The following THADA variants were observed in gnomAD, a reference collection of about 807,000 sequenced individuals.
The protein encoded by THADA is THADA armadillo repeat containing.
In THADA, 213 loss-of-function variants were observed where a neutral mutation model predicts 219.8. The ratio of observed to expected loss-of-function variants is 0.97; its 90% CI spans 0.87 to 1.09. The LOEUF is 1.09. Among genes scored for constraint, THADA ranks in the 50% least tolerant of loss-of-function variants. The pLI is 0.00. For synonymous variants in THADA, 1,018 were observed against 828.9 expected, an observed-to-expected ratio of 1.23 and a Z score of -3.92; for missense variants, 2,956 against 2,311.3, an observed-to-expected ratio of 1.28 and a Z score of -5.72.
intron 26 of THADA, among the ~76,000 whole-genome samples, chr2:43,467,206 A>T: frequency 6.8e-6 from 1 of 147,664 alleles, no homozygotes; most frequent in African/African-American, 2.5e-5. Flanking sequence ...AAAAAAAAAA[A>T]CACCACGGGG....
intron 29 of THADA, among the ~76,000 whole-genome samples, chr2:43,395,135 C>A (rs949193732): frequency 2.6e-5 from 4 of 152,108 alleles, no homozygotes; most frequent in Non-Finnish European, 4.4e-5. Context: ...GTGAGAGAGC[C>A]CAAGAAGCAA....
intron 26 of THADA, among the ~76,000 whole-genome samples, chr2:43,475,059 A>G (rs1274397854): frequency 6.6e-6 from 1 of 152,230 alleles, no homozygotes; most frequent in Non-Finnish European, 1.5e-5. Flanking sequence ...AGTTGAGTTC[A>G]GAGACCAAGA....
At chr2:43,468,703 A>G (rs1194210777) in intron 26 of THADA, among the ~76,000 whole-genome samples, 2 of 152,208 alleles carry the variant, frequency 1.3e-5, no homozygotes, top group Non-Finnish European at 2.9e-5. Context: ...ATCTGAGGGC[A>G]TATAACAATT....
intron 21 of THADA, among the ~76,000 whole-genome samples, chr2:43,528,201 G>A (rs1342296985): frequency 7.2e-6 from 1 of 138,332 alleles, no homozygotes; most frequent in Non-Finnish European, 1.5e-5. Context: ...CACAGTCTCA[G>A]CTCACTGCAA....
intron 10 of THADA, among the ~76,000 whole-genome samples, chr2:43,576,804 G>A (rs1325484811): frequency 6.6e-6 from 1 of 152,062 alleles, no homozygotes; most frequent in Admixed American, 6.6e-5. Context: ...ACAGGCGCAT[G>A]CCACCACACC....
intron 29 of THADA, among the ~76,000 whole-genome samples, chr2:43,376,189 CCT>C (rs371020548): frequency 1.3e-5 from 2 of 152,076 alleles, no homozygotes; most frequent in African/African-American, 4.8e-5. Flanking sequence ...CATGGCTTCC[CCT>C]GTCTTACTAC....
At position 43,557,937 on chromosome 2, in the gene THADA, C is replaced by A. The variant is rs547180590; in HGVS notation, c.2464-1382G>T. 9.3e-4 allele frequency among the ~76,000 whole-genome samples: 142 copies of A among 152,178 alleles called. 1 individual carries two copies. Among genetic ancestry groups the A allele is most frequent in the African/African-American group, 3.3e-3 (139 of 41,512 alleles). Reference sequence around the variant, plus strand: ...CTTTACCATTTGATAAGTTTATTTTCTATGACCTAAATAAAAAACTTAAAA... The same window carrying A: ...CTTTACCATTTGATAAGTTTATTTTATATGACCTAAATAAAAAACTTAAAA... On this transcript the variant is annotated intron_variant, in intron 16 of 37. Transcript: ENST00000405975.
Position 43,485,334 on chromosome 2 carries a change from C to G in THADA, c.3745-9G>C, listed in dbSNP as rs969383778. 5.7e-6 allele frequency: 9 copies of G among 1,589,114 alleles called. No homozygotes were observed. The highest frequency in any genetic ancestry group is 7.8e-6 in the Non-Finnish European group (9 of 1,159,040). On this transcript the variant is annotated splice_polypyrimidine_tract_variant and intron_variant, in intron 25 of 37. Coordinates refer to ENST00000405975, the MANE Select transcript of THADA (RefSeq NM_022065.5). ...GTGGATGAATTTCGCACCTAATGTA[C>G]AAACGAAAACACAATAAGGCTTAAA... is the stretch of plus-strand genomic sequence containing the variant.
chr2:43,564,296 G>A (rs1698417708), intron 15 of THADA: 2 of 152,354 alleles, frequency 1.3e-5, no homozygotes, highest in South Asian at 2.1e-4. Flanking sequence ...TTCTCTCATA[G>A]TTCTGGAAGC....
Position 43,556,553 on chromosome 2 carries a change from A to G in THADA, c.2466T>C (p.Asp822=). Residue 822 remains aspartate, a splice_region_variant and synonymous_variant, in exon 17 of 38, where the codon GAT becomes GAC. Coordinates refer to ENST00000405975, the MANE Select transcript of THADA (RefSeq NM_022065.5). ...KLSKTAVHFQ[D]SGKLQGLFQA... ...GAAATAAGCCTTGCAGTTTCCCCGA[A>G]TCCTAGAATAAAGCGCAGACTCAGT... The G allele has an allele frequency of 6.2e-7, 1 of 1,613,282 alleles. No individual in the cohort carries two copies. The highest frequency in any genetic ancestry group is 1.1e-5 in the South Asian group (1 of 91,024).
At chr2:43,297,938 C>T (rs534352273) in intron 31 of THADA, among the ~76,000 whole-genome samples, 4 of 104,470 alleles carry the variant, frequency 3.8e-5, no homozygotes, top group African/African-American at 5.6e-5. Context: ...AGCCGCCATC[C>T]GGGAGGGAGG....
At chr2:43,567,255 G>A (rs761643863) in intron 14 of THADA, among the ~76,000 whole-genome samples, 15 of 151,920 alleles carry the variant, frequency 9.9e-5, no homozygotes, top group African/African-American at 2.2e-4. Context: ...AATTCTATTC[G>A]GTTTCAAAGA....
At chr2:43,548,959 G>A (rs146602956) in intron 20 of THADA, among the ~76,000 whole-genome samples, 148 of 152,236 alleles carry the variant, frequency 9.7e-4, no homozygotes, top group African/African-American at 3.2e-3. Flanking sequence ...CGTCTTCTGC[G>A]TCACTCCCGC....
In THADA at chr2:43,437,866, T is replaced by C. The variant is rs1183153324; in HGVS notation, c.3837-7564A>G. 2.6e-5 allele frequency among the ~76,000 whole-genome samples: 4 copies of C among 152,258 alleles called. No individual in the cohort carries two copies. In the East Asian group the frequency reaches 7.7e-4, roughly 29 times the overall value. ...TGTATATATATATCTAAGAATTACA[T>C]AATCAGTATCCAGAATATACAAAGA... On this transcript the variant is annotated intron_variant, in intron 26 of 37. Transcript: ENST00000405975.
chr2:43,292,353 C>A, intron 32 of THADA, 131 bp from the exon 33 acceptor site: 1 of 595,914 alleles, frequency 1.7e-6, no homozygotes, highest in Non-Finnish European at 2.9e-6. Flanking sequence ...CTTCTTATTT[C>A]CCCCATAATA....
intron 30 of THADA, among the ~76,000 whole-genome samples, chr2:43,324,546 A>G (rs1332927136): frequency 6.6e-6 from 1 of 152,256 alleles, no homozygotes; most frequent in East Asian, 1.9e-4. Context: ...CCTTGAGGAC[A>G]GCCAAGGCCT....
chr2:43,494,377 A>T (rs185954646), intron 25 of THADA, among the ~76,000 whole-genome samples: 8 of 152,286 alleles, frequency 5.3e-5, no homozygotes, highest in Admixed American at 5.2e-4. Context: ...CACTCAATAA[A>T]ATGTTAGGAC....
chr2:43,439,945 T>C (rs2104855920), intron 26 of THADA, among the ~76,000 whole-genome samples: 1 of 152,340 alleles, frequency 6.6e-6, no homozygotes, highest in Middle Eastern at 3.4e-3. Context: ...TCCTTACTCC[T>C]TTCCAAATTA....
chr2:43,310,043 C>T (rs1173472903), intron 31 of THADA, among the ~76,000 whole-genome samples: 2 of 152,086 alleles, frequency 1.3e-5, no homozygotes, highest in African/African-American at 4.8e-5. Flanking sequence ...AACTATAAAA[C>T]ACCCACTGAA....
Sources: gnomAD v4.1 joint callset for allele counts (sites outside exome capture counted in the v4.1 genomes callset) on GRCh38, gnomAD v4.1.1 for gene constraint, MANE v1.5 for transcripts, NCBI Gene and HGNC (gene_info 2026-07-23, HGNC 2026-07-21) for gene names.